The following PCDH11X variants were observed in gnomAD, a reference collection of about 807,000 sequenced individuals.
PCDH11X encodes the protein protocadherin 11 X-linked, also known as protocadherin-11 X-linked.
A neutral mutation model predicts 53.3 loss-of-function variants in PCDH11X; 18 were observed. That is an observed-to-expected ratio of 0.34 (90% confidence interval 0.23 to 0.50). The LOEUF is 0.50. Ranked by LOEUF, PCDH11X falls within the 20% of genes least tolerant of loss-of-function variation. The pLI is 0.98. For missense variants in PCDH11X, 570 were observed against 1,032.4 expected, an observed-to-expected ratio of 0.55 and a Z score of 6.14; for synonymous variants, 279 against 393.3, an observed-to-expected ratio of 0.71 and a Z score of 3.44.
intron 6 of PCDH11X, among the ~76,000 whole-genome samples, chrX:92,107,342 A>G (rs1343248577): frequency 8.9e-6 from 1 of 112,109 alleles, no homozygotes; most frequent in Admixed American, 9.5e-5. Flanking sequence ...TTCTAAACTG[A>G]TTGAGACCTG....
chrX:92,387,248 T>C (rs1017789500), intron 8 of PCDH11X, among the ~76,000 whole-genome samples: 3 of 111,706 alleles, frequency 2.7e-5, no homozygotes, highest in African/African-American at 6.5e-5. Flanking sequence ...TTCTAAAAGA[T>C]GATGTACTTT....
At chrX:92,408,180 C>G (rs1203391970) in intron 9 of PCDH11X, among the ~76,000 whole-genome samples, 2 of 110,693 alleles carry the variant, frequency 1.8e-5, no homozygotes, top group African/African-American at 6.6e-5. Flanking sequence ...ACCTTGCCAG[C>G]CTTAAAGTGT....
At chrX:92,451,096 C>A (rs1024625394) in intron 9 of PCDH11X, among the ~76,000 whole-genome samples, 6 of 109,618 alleles carry the variant, frequency 5.5e-5, no homozygotes, top group African/African-American at 2.0e-4. Flanking sequence ...TCACAACTTA[C>A]CATTGTATTT....
chrX:91,795,737 A>C (rs977788600), intron 1 of PCDH11X, among the ~76,000 whole-genome samples: 2 of 111,599 alleles, frequency 1.8e-5, no homozygotes, highest in African/African-American at 3.3e-5. Flanking sequence ...CTTTACTGCA[A>C]CTTAGATCTC....
At chrX:92,346,072 C>A (rs781454994) in intron 8 of PCDH11X, among the ~76,000 whole-genome samples, 1 of 110,574 alleles carries the variant, frequency 9.0e-6, no homozygotes, top group Non-Finnish European at 1.9e-5. Context: ...TTAAGTGAAG[C>A]AGCAAATATA....
chrX:92,168,413 C>G (rs2065769243), intron 6 of PCDH11X, among the ~76,000 whole-genome samples: 1 of 110,374 alleles, frequency 9.1e-6, no homozygotes, highest in African/African-American at 3.3e-5. Context: ...AAAAAATTAG[C>G]AAGGTGTGGT....
chrX:92,149,491 A>G (rs1370920469), intron 6 of PCDH11X, among the ~76,000 whole-genome samples: 1 of 107,945 alleles, frequency 9.3e-6, no homozygotes, highest in East Asian at 2.9e-4. Flanking sequence ...GTGTGTGTAT[A>G]TATATATATA....
chrX:92,338,140 T>C (rs1433759051), intron 8 of PCDH11X, among the ~76,000 whole-genome samples: 4 of 112,030 alleles, frequency 3.6e-5, no homozygotes, highest in Non-Finnish European at 7.5e-5. Flanking sequence ...TCTGTTCTCA[T>C]GTTTAAATCA....
At chrX:91,965,383 G>T (rs938957559) in intron 6 of PCDH11X, among the ~76,000 whole-genome samples, 50 of 110,192 alleles carry the variant, frequency 4.5e-4, no homozygotes, top group African/African-American at 1.6e-3. Flanking sequence ...AAGCATGCAG[G>T]TGGGCCCTTG....
intron 6 of PCDH11X, among the ~76,000 whole-genome samples, chrX:92,186,232 A>G (rs1286303528): frequency 8.9e-6 from 1 of 112,328 alleles, no homozygotes. Flanking sequence ...GGAGGACATT[A>G]TGTTAAGTGA....
intron 10 of PCDH11X, among the ~76,000 whole-genome samples, chrX:92,470,734 G>A (rs1272102383): frequency 9.0e-6 from 1 of 110,936 alleles, no homozygotes; most frequent in Non-Finnish European, 1.9e-5. Context: ...TTATTCTGTT[G>A]ATATGATGAA....
intron 6 of PCDH11X, among the ~76,000 whole-genome samples, chrX:92,034,404 T>A (rs1328901365): frequency 3.0e-4 from 33 of 109,128 alleles, no homozygotes; most frequent in Admixed American, 1.0e-4. Context: ...TATTTTTTTA[T>A]ATATATTTGG....
At chrX:92,240,388 T>C (rs761934836) in intron 7 of PCDH11X, among the ~76,000 whole-genome samples, 2 of 111,778 alleles carry the variant, frequency 1.8e-5, no homozygotes, top group Non-Finnish European at 3.8e-5. Flanking sequence ...TTCCTTCTCT[T>C]TGATCAGCTG....
chrX:92,349,958 A>G (rs2070001568), intron 8 of PCDH11X, among the ~76,000 whole-genome samples: 1 of 109,563 alleles, frequency 9.1e-6, no homozygotes, highest in Non-Finnish European at 1.9e-5. Context: ...TGACTTAACA[A>G]TGGGTTTATC....
chrX:92,555,334 G>C (rs1374528998), intron 10 of PCDH11X, among the ~76,000 whole-genome samples: 1 of 111,680 alleles, frequency 9.0e-6, no homozygotes, highest in East Asian at 2.8e-4. Flanking sequence ...TTTTAAATAT[G>C]TACCTAGGAT....
At chrX:92,498,677 A>T (rs2073903199) in intron 10 of PCDH11X, among the ~76,000 whole-genome samples, 1 of 106,539 alleles carries the variant, frequency 9.4e-6, no homozygotes, top group South Asian at 4.2e-4. Flanking sequence ...TGTAGCAATT[A>T]TGAGGCTGTT....
chrX:91,797,908 C>A (rs1209326640), intron 1 of PCDH11X, among the ~76,000 whole-genome samples: 2 of 111,680 alleles, frequency 1.8e-5, no homozygotes, highest in South Asian at 3.7e-4. Context: ...TATTATCATG[C>A]AATAATGATG....
chrX:91,893,677 G>A (rs964769478), intron 6 of PCDH11X, among the ~76,000 whole-genome samples: 6 of 110,653 alleles, frequency 5.4e-5, no homozygotes, highest in South Asian at 3.8e-4. Flanking sequence ...GTGTCTCTCC[G>A]CCCCTCTGCT....
chrX:92,356,212 A>G (rs888566417), intron 8 of PCDH11X, among the ~76,000 whole-genome samples: 8 of 111,909 alleles, frequency 7.1e-5, no homozygotes, highest in South Asian at 3.7e-4. Flanking sequence ...GCCAGCAAAG[A>G]AACTGCAAGT....
Sources: allele counts gnomAD v4.1 joint callset (sites outside exome capture counted in the v4.1 genomes callset), GRCh38; gene constraint gnomAD v4.1.1; transcripts MANE v1.5; gene names NCBI Gene and HGNC (gene_info 2026-07-23, HGNC 2026-07-21).